Variants in DNAH12 observed in about 807,000 individuals in gnomAD.
DNAH12 encodes the protein axonemal beta dynein heavy chain 12.
Under a neutral mutation model 371.5 loss-of-function variants are expected in DNAH12, and 285 were observed. That is an observed-to-expected ratio of 0.77 (90% confidence interval 0.70 to 0.85). DNAH12 has a LOEUF of 0.85. Ranked by LOEUF, DNAH12 falls within the 40% of genes least tolerant of loss-of-function variation. The pLI is 0.00. For synonymous variants in DNAH12, 1,200 were observed against 1,213.0 expected, an observed-to-expected ratio of 0.99 and a Z score of 0.22; for missense variants, 3,611 against 3,689.4, an observed-to-expected ratio of 0.98 and a Z score of 0.55.
chr3:57,502,810 C>G (rs6445899), intron 9 of DNAH12, among the ~76,000 whole-genome samples: 101,619 of 151,884 alleles, frequency 0.67, 34,209 homozygotes, highest in South Asian at 0.75. Flanking sequence ...CTCCCAAAGT[C>G]CTGGGATTAC....
At chr3:57,404,894 T>G in intron 42 of DNAH12, 75 bp downstream of exon 42, 1 of 1,322,356 alleles carries the variant, frequency 7.6e-7, no homozygotes, top group African/African-American at 1.5e-5. Flanking sequence ...CTTTACACCT[T>G]TTGGTACATT....
chr3:57,301,837 A>G lies in DNAH12; in HGVS notation c.11292T>C (p.Leu3764=). 6.4e-7 allele frequency: 1 copy of G among 1,551,666 alleles called. No individual in the cohort carries two copies. Among genetic ancestry groups the G allele is most frequent in the Non-Finnish European group, 8.7e-7 (1 of 1,146,990 alleles). The change falls in exon 70 of 74, where the codon CTT becomes CTC. Residue 3764 remains leucine (L), a synonymous_variant. Coordinates refer to ENST00000495027, the MANE Select transcript of DNAH12 (RefSeq NM_001366028.2). ...SALEALSGSL[L]VGKVPEIWAK... ...CCCATATTTCTGGAACCTTTCCAAC[A>G]AGTAAGCTACCGGAGAGTGCCTCCA...
intron 45 of DNAH12, among the ~76,000 whole-genome samples, chr3:57,391,520 T>C (rs1280922907): frequency 6.6e-6 from 1 of 152,204 alleles, no homozygotes; most frequent in East Asian, 1.9e-4. Flanking sequence ...TAAATTTCTT[T>C]ACATACAAAT....
chr3:57,295,421 A>G (rs1380749003), intron 73 of DNAH12, 104 bp downstream of exon 73: 1 of 759,786 alleles, frequency 1.3e-6, no homozygotes, highest in Non-Finnish European at 2.1e-6. Flanking sequence ...TAATTGAGCT[A>G]GATCCTAAAA....
intron 9 of DNAH12, among the ~76,000 whole-genome samples, chr3:57,503,578 G>A (rs372166889): frequency 1.9e-4 from 29 of 151,864 alleles, no homozygotes; most frequent in African/African-American, 6.8e-4. Context: ...TAGCAGAGAT[G>A]AGGTTTCACC....
At chr3:57,511,003 A>G in intron 4 of DNAH12, 24 bp from the exon 5 acceptor site, 1 of 1,547,996 alleles carries the variant, frequency 6.5e-7, no homozygotes, top group Non-Finnish European at 8.7e-7. Flanking sequence ...AAAAAATTAA[A>G]TGTTCTGCAT....
At chr3:57,390,408 CAAA>C (rs878912244) in intron 45 of DNAH12, among the ~76,000 whole-genome samples, 22 of 6,070 alleles carry the variant, frequency 3.6e-3, no homozygotes, top group African/African-American at 4.8e-3. Flanking sequence ...GATCCTGTCT[CAAA>C]AAAAAAAAAA....
chr3:57,455,188 G>C (rs978779667), intron 22 of DNAH12, among the ~76,000 whole-genome samples: 5 of 152,072 alleles, frequency 3.3e-5, no homozygotes, highest in South Asian at 4.2e-4. Context: ...ATGTTCCTTT[G>C]CTGTGGAGAG....
At chr3:57,418,115 C>A (rs7631426) in intron 37 of DNAH12, among the ~76,000 whole-genome samples, 1 of 151,696 alleles carries the variant, frequency 6.6e-6, no homozygotes. Context: ...TGCTGGAATG[C>A]ACTGCATTCC....
chr3:57,416,075 A>G (rs1278058417), intron 37 of DNAH12, among the ~76,000 whole-genome samples: 1 of 152,092 alleles, frequency 6.6e-6, no homozygotes, highest in Non-Finnish European at 1.5e-5. Context: ...GGCATGAGCC[A>G]CCATGCTTGA....
At chr3:57,297,768 C>T (rs2061263378) in intron 70 of DNAH12, among the ~76,000 whole-genome samples, 1 of 152,158 alleles carries the variant, frequency 6.6e-6, no homozygotes, top group African/African-American at 2.4e-5. Flanking sequence ...CTTGCTTCTT[C>T]CCTTTCTGCT....
chr3:57,362,877 A>G (rs1484618319), intron 58 of DNAH12, among the ~76,000 whole-genome samples: 1 of 151,962 alleles, frequency 6.6e-6, no homozygotes, highest in Admixed American at 6.6e-5. Context: ...GTTTAATTAG[A>G]TCCCATTTGT....
At chr3:57,499,647 A>AAAAAAAAAAAAAAAAT (rs1451248906) in intron 11 of DNAH12, among the ~76,000 whole-genome samples, 3 of 17,946 alleles carry the variant, frequency 1.7e-4, no homozygotes, top group Non-Finnish European at 3.6e-4. Flanking sequence ...AAAAAAAAAA[A>AAAAAAAAAAAAAAAAT]ATATATATAT....
chr3:57,515,602 C>A (rs1458121282), intron 4 of DNAH12, among the ~76,000 whole-genome samples: 2 of 151,762 alleles, frequency 1.3e-5, no homozygotes, highest in African/African-American at 4.8e-5. Flanking sequence ...AGAGCAAAAC[C>A]CCATCTCTAC....
intron 13 of DNAH12, among the ~76,000 whole-genome samples, chr3:57,473,888 G>A (rs2066442614): frequency 6.6e-6 from 1 of 152,058 alleles, no homozygotes; most frequent in Non-Finnish European, 1.5e-5. Context: ...CACAGTAGAT[G>A]CAAAAAAGCA....
chr3:57,328,087 A>G lies in DNAH12; in HGVS notation c.9979-4468T>C, dbSNP rs1488864101. 6.7e-5 allele frequency among the ~76,000 whole-genome samples: 10 copies of G among 149,350 alleles called. 1 individual carries two copies. The highest frequency in any genetic ancestry group is 1.5e-5 in the Non-Finnish European group (1 of 67,232). On this transcript the variant is annotated intron_variant, in intron 62 of 73. Coordinates refer to ENST00000495027, the MANE Select transcript of DNAH12 (RefSeq NM_001366028.2). The stretch of plus-strand genomic sequence containing the variant: ...ATAATCAATAGCTTACCAACCAAAA[A>G]GAGTCCAGGACCAGATGGATTCACA...
intron 12 of DNAH12, 127 bp from the exon 13 acceptor site, chr3:57,483,638 A>G: frequency 9.0e-7 from 1 of 1,109,500 alleles, no homozygotes; most frequent in Non-Finnish European, 1.2e-6. Context: ...TTGATTCACT[A>G]AGGTATCTTA....
chr3:57,509,154 T>C lies in DNAH12; in HGVS notation c.528A>G (p.Leu176=), dbSNP rs1169090941. ...VKSLEDEGGP[L]PESPVGLDYS... ...AATTTACTCACACAGGAGATTCAGG[T>C]AAAGGACCTCCTTCATCTTCAAGCG... The change falls in exon 6 of 74, where the codon TTA becomes TTG. Residue 176 remains leucine, a synonymous_variant. Coordinates refer to ENST00000495027, the MANE Select transcript of DNAH12 (RefSeq NM_001366028.2). The C allele has an allele frequency of 8.7e-6, 14 of 1,613,176 alleles. No individual in the cohort carries two copies. The highest frequency in any genetic ancestry group is 1.2e-5 in the Non-Finnish European group (14 of 1,179,786).
intron 2 of DNAH12, among the ~76,000 whole-genome samples, chr3:57,526,552 C>CA (rs1286657463): frequency 1.6e-5 from 2 of 124,626 alleles, no homozygotes; most frequent in African/African-American, 3.0e-5. Flanking sequence ...TTTTTTGAGA[C>CA]AGAGTCTGGC....
Sources: gnomAD v4.1 joint callset for allele counts (sites outside exome capture counted in the v4.1 genomes callset) on GRCh38, gnomAD v4.1.1 for gene constraint, MANE v1.5 for transcripts, NCBI Gene and HGNC (gene_info 2026-07-23, HGNC 2026-07-21) for gene names.